TXNL4A: variants seen among roughly 807,000 people sequenced by gnomAD.
The protein encoded by TXNL4A is thioredoxin-like protein 4A.
In TXNL4A, 17 loss-of-function variants were observed where a neutral mutation model predicts 14.6. The observed-to-expected ratio is 1.16, with a 90% CI of 0.80 to 1.74. The LOEUF is 1.74. Ranked by LOEUF, TXNL4A falls within the 40% of genes most tolerant of loss-of-function variation. TXNL4A has a pLI of 0.00. For missense variants in TXNL4A, 74 were observed against 195.2 expected (o/e 0.38, Z 3.70); for synonymous variants, 83 against 70.6 (o/e 1.18, Z -0.88).
chr18:79,988,583 C>G (rs1599732718), upstream of TXNL4A: 18 of 500,324 alleles, frequency 3.6e-5, no homozygotes, highest in East Asian at 6.7e-4. Context: ...CGCACCGACG[C>G]CGTGCGTGCT....
rs1317768293 is a variant in TXNL4A, at chr18:80,011,269, G to A, written c.-61+22582C>T. On this transcript the variant is annotated intron_variant, in intron 1 of 2. Coordinates refer to the TXNL4A transcript ENST00000585474. This position sits in a 1 kb window ranked among gnomAD's most constrained non-coding sequence, Gnocchi z 4.1. ...AAAGGGATTGTAGCCAACTGGGACG[G>A]GAGTTTGCATTTTCCCTTAATTTGT... Among the ~76,000 whole-genome samples, 4 of 152,306 alleles carry A rather than the reference G, an allele frequency of 2.6e-5. No homozygotes were observed. The highest frequency in any genetic ancestry group is 3.9e-4 in the East Asian group (2 of 5,184).
chr18:80,002,513 G>A (rs964827136), intron 1 of TXNL4A, among the ~76,000 whole-genome samples: 1 of 152,124 alleles, frequency 6.6e-6, no homozygotes, highest in African/African-American at 2.4e-5. Flanking sequence ...GTCCCTCAAG[G>A]CTTTCATTGT....
At chr18:80,022,355 G>A (rs1028915022) in intron 1 of TXNL4A, among the ~76,000 whole-genome samples, 2 of 152,238 alleles carry the variant, frequency 1.3e-5, no homozygotes, top group African/African-American at 2.4e-5. Flanking sequence ...CTTGCCTGAC[G>A]TGGCTGCCAA....
At chr18:80,015,703 A>C (rs1250305779) in intron 1 of TXNL4A, among the ~76,000 whole-genome samples, 1 of 150,518 alleles carries the variant, frequency 6.6e-6, no homozygotes, top group Non-Finnish European at 1.5e-5. Context: ...ATCATTTTTT[A>C]TGGCTGCATA....
chr18:80,033,202 TACGCGC>T (rs1235871342), intron 1 of TXNL4A, among the ~76,000 whole-genome samples: 1 of 152,114 alleles, frequency 6.6e-6, no homozygotes, highest in African/African-American at 2.4e-5. Context: ...CACACATATA[TACGCGC>T]ACGCACATGC....
At chr18:79,976,797 T>C (rs1415699081) in intron 2 of TXNL4A, 1 of 455,842 alleles carries the variant, frequency 2.2e-6, no homozygotes, top group Non-Finnish European at 4.4e-6. Context: ...ACTAAACAAG[T>C]AAAAACAGCA....
At chr18:80,012,659 A>C (rs918945647) in intron 1 of TXNL4A, among the ~76,000 whole-genome samples, 1 of 152,230 alleles carries the variant, frequency 6.6e-6, no homozygotes, top group Non-Finnish European at 1.5e-5. Flanking sequence ...AGTTATCCAC[A>C]GTACCATTTG....
chr18:79,999,274 G>A (rs562497428), intron 1 of TXNL4A, among the ~76,000 whole-genome samples: 13 of 152,222 alleles, frequency 8.5e-5, no homozygotes, highest in African/African-American at 2.2e-4. Context: ...AGTGACTCAC[G>A]CCTGTAATCC....
chr18:79,988,177 G>T, intron 1 of TXNL4A, 63 bp downstream of exon 1: 7 of 1,391,558 alleles, frequency 5.0e-6, no homozygotes, highest in Non-Finnish European at 4.8e-6. Context: ...GACGCCGGCA[G>T]GGCAGAGGCG....
At position 79,973,608 on chromosome 18, in the gene TXNL4A, C is replaced by T; in HGVS notation, c.*77G>A. 6.6e-7 allele frequency: 1 copy of T among 1,513,086 alleles called. No homozygotes were observed. The allele number at this position is 1,513,086 out of a possible 1,614,324, so 93.7% of individuals were successfully genotyped here. On this transcript the variant is annotated 3_prime_UTR_variant, in exon 3 of 3. Coordinates refer to ENST00000269601, the MANE Select transcript of TXNL4A (RefSeq NM_006701.5). ...CAGCCCTGGAGCTTCCTGTATTTTC[C>T]AAAGGCTTTAAATAGCTTAAAACGT...
At chr18:80,032,332 A>G (rs2051927141) in intron 1 of TXNL4A, among the ~76,000 whole-genome samples, 2 of 152,194 alleles carry the variant, frequency 1.3e-5, no homozygotes. Context: ...CTTTTCTCCA[A>G]AAGATTTTAA....
intron 2 of TXNL4A, 138 bp from the exon 3 acceptor site, chr18:79,973,994 G>T: frequency 1.7e-6 from 2 of 1,169,082 alleles, no homozygotes; most frequent in Non-Finnish European, 2.4e-6. Context: ...GAGAGTGTAT[G>T]CCATGATGCA....
intron 1 of TXNL4A, 76 bp downstream of exon 1, chr18:79,988,164 G>A (rs1279646519): frequency 2.2e-6 from 3 of 1,336,662 alleles, no homozygotes; most frequent in African/African-American, 3.0e-5. Context: ...CGCGCCCCCA[G>A]GCGACGCCGG....
chr18:79,991,567 T>C (rs2051628603), upstream of TXNL4A, among the ~76,000 whole-genome samples: 1 of 152,264 alleles, frequency 6.6e-6, no homozygotes, highest in Non-Finnish European at 1.5e-5. Flanking sequence ...TTGGGTTGTT[T>C]GCATTTTTTT....
At chr18:80,007,757 C>T (rs750787310) in intron 1 of TXNL4A, among the ~76,000 whole-genome samples, 26 of 152,126 alleles carry the variant, frequency 1.7e-4, no homozygotes, top group Non-Finnish European at 2.9e-4. Flanking sequence ...TTTCTAGTTC[C>T]TGTATCATGA....
At chr18:79,975,682 AGT>A (rs2051368014) in intron 2 of TXNL4A, among the ~76,000 whole-genome samples, 1 of 152,188 alleles carries the variant, frequency 6.6e-6, no homozygotes, top group Non-Finnish European at 1.5e-5. Flanking sequence ...GGAAGTGAGG[AGT>A]GTGTTACTGG....
chr18:80,012,111 G>T (rs1342609365), intron 1 of TXNL4A, among the ~76,000 whole-genome samples: 1 of 152,086 alleles, frequency 6.6e-6, no homozygotes, highest in Non-Finnish European at 1.5e-5. Context: ...TGGACTCGGG[G>T]TACCCACCGG....
chr18:79,989,496 C>T (rs2051608943), upstream of TXNL4A, among the ~76,000 whole-genome samples: 1 of 152,170 alleles, frequency 6.6e-6, no homozygotes, highest in Admixed American at 6.5e-5. Flanking sequence ...AGTCAGAGCT[C>T]CCCAAACCCT....
intron 1 of TXNL4A, among the ~76,000 whole-genome samples, chr18:80,029,659 G>A (rs1368557145): frequency 2.6e-5 from 4 of 152,126 alleles, no homozygotes; most frequent in Admixed American, 6.5e-5. Flanking sequence ...TAGTGGAGAG[G>A]CACAACTGGC....
Sources: allele counts gnomAD v4.1 joint callset (sites outside exome capture counted in the v4.1 genomes callset), GRCh38; gene constraint gnomAD v4.1.1; non-coding constraint Gnocchi (gnomAD v3.1); transcripts MANE v1.5; gene names NCBI Gene and HGNC (gene_info 2026-07-23, HGNC 2026-07-21).